Variants in TBC1D19 observed in about 807,000 individuals in gnomAD.
TBC1D19 encodes the protein TBC1 domain family, member 19.
TBC1D19 carries 60 observed loss-of-function variants against 89.0 expected under a neutral mutation model. The observed-to-expected ratio is 0.67, with a 90% CI of 0.55 to 0.84. The LOEUF is 0.84. Among genes scored for constraint, TBC1D19 ranks in the 40% least tolerant of loss-of-function variants. TBC1D19 has a pLI of 0.00. For synonymous variants in TBC1D19, 189 were observed against 199.7 expected (o/e 0.95, Z 0.45); for missense variants, 500 against 610.8 (o/e 0.82, Z 1.91).
the TBC1D19 span, among the ~76,000 whole-genome samples, chr4:26,839,985 C>T: frequency 6.6e-6 from 1 of 152,238 alleles, no homozygotes. Flanking sequence ...GGAATGTGGA[C>T]ACCGCATTGA....
At chr4:26,811,995 G>C in the TBC1D19 span, among the ~76,000 whole-genome samples, 1 of 152,188 alleles carries the variant, frequency 6.6e-6, no homozygotes, top group Non-Finnish European at 1.5e-5. Context: ...AGCCCAGTAG[G>C]TCTCAGCCTT....
chr4:26,741,287 C>T (rs1278261231), intron 17 of TBC1D19, among the ~76,000 whole-genome samples: 2 of 139,214 alleles, frequency 1.4e-5, no homozygotes, highest in African/African-American at 2.7e-5. Flanking sequence ...ACCCGGGAAG[C>T]GGAGCTTGCA....
chr4:26,748,679 C>T (rs1367265752), intron 19 of TBC1D19, among the ~76,000 whole-genome samples, 153 bp downstream of exon 19: 1 of 152,186 alleles, frequency 6.6e-6, no homozygotes, highest in Non-Finnish European at 1.5e-5. Context: ...TAAGTACGAA[C>T]AAAAACTGCA....
chr4:26,815,447 A>G, the TBC1D19 span, among the ~76,000 whole-genome samples: 7 of 152,238 alleles, frequency 4.6e-5, no homozygotes, highest in Non-Finnish European at 1.0e-4. Flanking sequence ...CAATGCATTC[A>G]GTTGAGCCTA....
At chr4:26,749,317 G>A (rs116110496) in intron 19 of TBC1D19, among the ~76,000 whole-genome samples, 1,691 of 152,176 alleles carry the variant, frequency 0.011, 17 homozygotes, top group Non-Finnish European at 0.016. Flanking sequence ...AGAAAAGTTG[G>A]CAGAATGTTT....
In TBC1D19 at chr4:26,666,419, C is replaced by A. The variant is rs929613638; in HGVS notation, c.664+14C>A. 1 of 1,599,552 alleles carries A rather than the reference C, an allele frequency of 6.3e-7. No homozygotes were observed. Among genetic ancestry groups the A allele is most frequent in the Non-Finnish European group, 8.6e-7 (1 of 1,169,582 alleles). The stretch of plus-strand genomic sequence containing the variant: ...AAGTGCCTCCTGGTTAGTATTTTTC[C>A]AACGGCATATAATTAATGATAAATG... On this transcript the variant is annotated intron_variant, in intron 9 of 20. Coordinates refer to ENST00000264866, the MANE Select transcript of TBC1D19 (RefSeq NM_018317.4).
the TBC1D19 span, among the ~76,000 whole-genome samples, chr4:26,837,032 A>G: frequency 6.6e-6 from 1 of 152,216 alleles, no homozygotes; most frequent in African/African-American, 2.4e-5. Context: ...GGGAGAAGAC[A>G]GAAAGGCATT....
chr4:26,609,810 C>T (rs147685478), intron 1 of TBC1D19, among the ~76,000 whole-genome samples: 16 of 152,046 alleles, frequency 1.1e-4, no homozygotes, highest in African/African-American at 3.4e-4. Context: ...TTCATTCATT[C>T]GATAATCATT....
chr4:26,578,201 T>TA (rs1739009890), intron 1 of TBC1D19, among the ~76,000 whole-genome samples: 1 of 152,198 alleles, frequency 6.6e-6, no homozygotes, highest in Non-Finnish European at 1.5e-5. Context: ...GCCCGCCAGT[T>TA]ATGCAGTAGA....
intron 13 of TBC1D19, among the ~76,000 whole-genome samples, chr4:26,707,649 T>C (rs1007965828): frequency 6.6e-6 from 1 of 151,662 alleles, no homozygotes; most frequent in Non-Finnish European, 1.5e-5. Flanking sequence ...TTGGGGTTTT[T>C]GTGTGTGTGT....
At chr4:26,623,143 T>TGC (rs1043008767) in intron 4 of TBC1D19, among the ~76,000 whole-genome samples, 2 of 152,196 alleles carry the variant, frequency 1.3e-5, no homozygotes, top group African/African-American at 4.8e-5. Context: ...TGACTTGTAT[T>TGC]GCATCATGTT....
At chr4:26,789,299 A>G in the TBC1D19 span, among the ~76,000 whole-genome samples, 1 of 152,208 alleles carries the variant, frequency 6.6e-6, no homozygotes, top group Admixed American at 6.5e-5. Context: ...TTGCAGTTAG[A>G]CTTGCTGTGT....
chr4:26,618,966 A>G (rs1394035908), intron 3 of TBC1D19, among the ~76,000 whole-genome samples: 1 of 152,138 alleles, frequency 6.6e-6, no homozygotes, highest in African/African-American at 2.4e-5. Flanking sequence ...CATATTACTA[A>G]ATGTAAGCTC....
At chr4:26,750,450 G>A (rs1718889404) in intron 19 of TBC1D19, among the ~76,000 whole-genome samples, 1 of 152,156 alleles carries the variant, frequency 6.6e-6, no homozygotes, top group Non-Finnish European at 1.5e-5. Flanking sequence ...GGGTCAAGAG[G>A]TTTCATACCT....
chr4:26,628,328 C>T (rs1042761290), intron 4 of TBC1D19, among the ~76,000 whole-genome samples: 10 of 152,122 alleles, frequency 6.6e-5, no homozygotes, highest in Non-Finnish European at 1.3e-4. Context: ...CATGATGCCT[C>T]CAGCTTTGTT....
intron 1 of TBC1D19, among the ~76,000 whole-genome samples, chr4:26,597,644 G>C (rs764709959): frequency 6.6e-6 from 1 of 151,488 alleles, no homozygotes; most frequent in Admixed American, 6.6e-5. Context: ...GATTGCAGGC[G>C]TGAGCCACTG....
rs182504815 is a variant in TBC1D19 at position 26,613,000 on chromosome 4, A to G, written c.100-169A>G. Among the ~76,000 whole-genome samples the G allele has an allele frequency of 2.0e-5, 3 of 152,124 alleles. No homozygotes were observed. In the East Asian group the frequency reaches 5.8e-4, roughly 29 times the overall value. ...GAGAAAGTCTTCTTTCTTATAAGCT[A>G]TTCTAGATAGTTCTAAGCTCTATCT... is the stretch of plus-strand genomic sequence containing the variant. On this transcript the variant is annotated intron_variant, in intron 1 of 20. Transcript: ENST00000264866.
At chr4:26,792,015 G>T in the TBC1D19 span, among the ~76,000 whole-genome samples, 32 of 152,294 alleles carry the variant, frequency 2.1e-4, no homozygotes, top group Non-Finnish European at 4.0e-4. Flanking sequence ...CCTCATACTA[G>T]GTGGTCTGGG....
chr4:26,665,472 GT>G (rs993045495), intron 8 of TBC1D19, among the ~76,000 whole-genome samples: 1 of 151,938 alleles, frequency 6.6e-6, no homozygotes, highest in Non-Finnish European at 1.5e-5. Context: ...TGTGAATAAT[GT>G]GAGGTTTTTA....
Sources: gnomAD v4.1 joint callset for allele counts (sites outside exome capture counted in the v4.1 genomes callset) on GRCh38, gnomAD v4.1.1 for gene constraint, MANE v1.5 for transcripts, NCBI Gene and HGNC (gene_info 2026-07-23, HGNC 2026-07-21) for gene names.